AKR1C4: variants seen among roughly 807,000 people sequenced by gnomAD.
AKR1C4 encodes aldo-keto reductase family 1 member C4.
A neutral mutation model predicts 41.0 loss-of-function variants in AKR1C4; 44 were observed. The observed-to-expected ratio is 1.07, with a 90% CI of 0.84 to 1.38. AKR1C4 has a LOEUF of 1.38. Ranked by LOEUF, AKR1C4 falls within the 40% of genes most tolerant of loss-of-function variation. AKR1C4 has a pLI of 0.00. For missense variants in AKR1C4, 438 were observed against 387.9 expected, an observed-to-expected ratio of 1.13 and a Z score of -1.09; for synonymous variants, 165 against 137.7, an observed-to-expected ratio of 1.20 and a Z score of -1.39.
At chr10:5,201,123 C>T (rs1832394708) in intron 2 of AKR1C4, among the ~76,000 whole-genome samples, 1 of 151,796 alleles carries the variant, frequency 6.6e-6, no homozygotes, top group Non-Finnish European at 1.5e-5. Flanking sequence ...TGGTAGATAC[C>T]AGTATTAGGA....
chr10:5,213,141 G>T lies in AKR1C4; in HGVS notation c.828G>T (p.Arg276=). 1 of 1,613,746 alleles carries T rather than the reference G, an allele frequency of 6.2e-7. No individual in the cohort carries two copies. Among genetic ancestry groups the T allele is most frequent in the Non-Finnish European group, 8.5e-7 (1 of 1,180,022 alleles). The change falls in exon 7 of 9, where the codon CGG becomes CGT. Residue 276 remains arginine (R), a synonymous_variant. Transcript: ENST00000263126. ...TGGCCAAGAGCTACAATGAGCAGCG[G>T]ATCAGAGAGAACATCCAGGTGAGGA... is the stretch of plus-strand genomic sequence containing the variant. ...VVLAKSYNEQ[R]IRENIQVFEF...
At chr10:5,203,213 T>TC (rs1237600294) in intron 2 of AKR1C4, among the ~76,000 whole-genome samples, 2 of 151,976 alleles carry the variant, frequency 1.3e-5, no homozygotes, top group Non-Finnish European at 2.9e-5. Flanking sequence ...CTTCCTGCTT[T>TC]CCCCCGGGGT....
chr10:5,216,879 G>T (rs1391631845), intron 8 of AKR1C4, 86 bp downstream of exon 8: 4 of 879,852 alleles, frequency 4.5e-6, no homozygotes, highest in Middle Eastern at 4.4e-4. Context: ...CAATACCAGG[G>T]AGACAGAGGC....
At chr10:5,197,864 A>G (rs1219820209) in intron 1 of AKR1C4, among the ~76,000 whole-genome samples, 2 of 152,220 alleles carry the variant, frequency 1.3e-5, no homozygotes, top group African/African-American at 4.8e-5. Context: ...GGAAAAGCAC[A>G]ACACGGAAGC....
At chr10:5,217,350 G>A (rs782653131) in intron 8 of AKR1C4, among the ~76,000 whole-genome samples, 7 of 152,126 alleles carry the variant, frequency 4.6e-5, no homozygotes, top group Non-Finnish European at 8.8e-5. Context: ...CCCAAACACT[G>A]CATTTTGCCT....
chr10:5,199,270 G>C (rs1832359904), intron 1 of AKR1C4, among the ~76,000 whole-genome samples: 2 of 152,064 alleles, frequency 1.3e-5, no homozygotes. Flanking sequence ...GGTCAGTGCT[G>C]GTGCCTGAAC....
intron 1 of AKR1C4, among the ~76,000 whole-genome samples, chr10:5,197,423 G>A (rs781803615): frequency 1.3e-4 from 20 of 152,262 alleles, no homozygotes; most frequent in South Asian, 4.2e-4. Flanking sequence ...CTGAGCTGCC[G>A]CGTGGTCTTG....
intron 3 of AKR1C4, 193 bp downstream of exon 3, chr10:5,204,686 A>T: frequency 1.4e-6 from 1 of 737,916 alleles, no homozygotes; most frequent in Admixed American, 1.8e-5. Flanking sequence ...AGAAGACAGT[A>T]CATCAACCTC....
chr10:5,205,708 T>C, intron 3 of AKR1C4, 49 bp from the exon 4 acceptor site: 1 of 1,522,168 alleles, frequency 6.6e-7, no homozygotes, highest in Non-Finnish European at 9.1e-7. Flanking sequence ...AGCATGCCTA[T>C]GGGTGGAAAA....
At chr10:5,197,571 T>C (rs1832330019) in intron 1 of AKR1C4, among the ~76,000 whole-genome samples, 1 of 152,234 alleles carries the variant, frequency 6.6e-6, no homozygotes, top group South Asian at 2.1e-4. Context: ...TTTAAATTTT[T>C]GGTCCGTGTT....
intron 2 of AKR1C4, among the ~76,000 whole-genome samples, chr10:5,202,939 T>TGTGTGTGTGTGTG (rs1832423115): frequency 7.2e-6 from 1 of 139,190 alleles, no homozygotes; most frequent in African/African-American, 2.8e-5. Context: ...TAGTTTTCTT[T>TGTGTGTGTGTGTG]TGTGTGTGTG....
intron 7 of AKR1C4, 46 bp downstream of exon 7, chr10:5,213,205 C>T (rs782453437): frequency 6.2e-7 from 1 of 1,602,666 alleles, no homozygotes; most frequent in Non-Finnish European, 8.5e-7. Flanking sequence ...GTGTCCTTCA[C>T]ACGTGTGCTT....
chr10:5,205,870 A>C, intron 4 of AKR1C4, 36 bp downstream of exon 4: 1 of 1,586,384 alleles, frequency 6.3e-7, no homozygotes, highest in Non-Finnish European at 8.6e-7. Context: ...GAAAAGGAAG[A>C]CAAGAAGAGG....
intron 1 of AKR1C4, among the ~76,000 whole-genome samples, chr10:5,198,468 A>C (rs1293213893): frequency 6.6e-6 from 1 of 152,298 alleles, no homozygotes; most frequent in African/African-American, 2.4e-5. Context: ...CAAGACCGGA[A>C]GTTTGGTGTG....
chr10:5,218,604 A>G, intron 8 of AKR1C4, 114 bp from the exon 9 acceptor site: 1 of 772,828 alleles, frequency 1.3e-6, no homozygotes, highest in Non-Finnish European at 2.1e-6. Flanking sequence ...AATAGTCCGA[A>G]AATAAACTTC....
intron 7 of AKR1C4, among the ~76,000 whole-genome samples, chr10:5,214,022 T>A (rs1289949659): frequency 8.3e-6 from 1 of 119,932 alleles, no homozygotes; most frequent in East Asian, 2.4e-4. Flanking sequence ...TGTTAATATA[T>A]TATATAGTAA....
chr10:5,208,477 A>C (rs1554797685), intron 5 of AKR1C4, among the ~76,000 whole-genome samples: 1 of 151,662 alleles, frequency 6.6e-6, no homozygotes, highest in Non-Finnish European at 1.5e-5. Context: ...ATCTATTTCC[A>C]AAATTGTTGA....
chr10:5,218,872 T>A lies in AKR1C4; in HGVS notation c.*112T>A. 1 of 975,030 alleles carries A rather than the reference T, an allele frequency of 1.0e-6. No homozygotes were observed. Among genetic ancestry groups the A allele is most frequent in the Non-Finnish European group, 1.6e-6 (1 of 644,060 alleles). The allele number at this position is 975,030 out of a possible 1,614,324, so 60.4% of individuals were successfully genotyped here. A position where few individuals can be genotyped will look rare whatever the true frequency, so the allele number is the denominator to read the frequency against. ...ACAGCCTCTGGTTAAATCCCTCCCC[T>A]CCTGCTTGGCAACTTCAGCTAGCTA... On this transcript the variant is annotated 3_prime_UTR_variant, in exon 9 of 9. Transcript: ENST00000263126.
intron 1 of AKR1C4, among the ~76,000 whole-genome samples, chr10:5,199,364 A>T (rs577227398): frequency 1.4e-4 from 22 of 152,244 alleles, no homozygotes; most frequent in Admixed American, 6.5e-4. Flanking sequence ...TGGCTAGAGG[A>T]GGACGTGGTC....
Sources: allele counts gnomAD v4.1 joint callset (sites outside exome capture counted in the v4.1 genomes callset), GRCh38; gene constraint gnomAD v4.1.1; transcripts MANE v1.5; gene names NCBI Gene and HGNC (gene_info 2026-07-23, HGNC 2026-07-21).